Variants in GIPC1 observed in about 807,000 individuals in gnomAD.
GIPC1 encodes PDZ domain-containing protein GIPC1.
GIPC1 carries 15 observed loss-of-function variants against 28.5 expected under a neutral mutation model. The observed-to-expected ratio is 0.53, with a 90% CI of 0.35 to 0.81. The LOEUF is 0.81. Ranked by LOEUF, GIPC1 falls within the 30% of genes least tolerant of loss-of-function variation. GIPC1 has a pLI of 0.01. For missense variants in GIPC1, 439 were observed against 481.9 expected (o/e 0.91, Z 0.83); for synonymous variants, 224 against 206.1 (o/e 1.09, Z -0.74).
At chr19:14,485,700 TATAGAGAGAG>T (rs2071822248) in intron 3 of GIPC1, among the ~76,000 whole-genome samples, 1 of 68,836 alleles carries the variant, frequency 1.5e-5, no homozygotes, top group Non-Finnish European at 3.0e-5. Flanking sequence ...TATATATATA[TATAGAGAGAG>T]AGAGAGAGAG....
At chr19:14,494,370 G>A (rs746650010) in intron 1 of GIPC1, among the ~76,000 whole-genome samples, 9 of 100,180 alleles carry the variant, frequency 9.0e-5, no homozygotes, top group Non-Finnish European at 1.8e-4. Context: ...GGGATTACAG[G>A]CGTGAGCCAC....
chr19:14,486,320 T>C (rs2071842945), intron 3 of GIPC1, among the ~76,000 whole-genome samples: 1 of 152,208 alleles, frequency 6.6e-6, no homozygotes, highest in African/African-American at 2.4e-5. Flanking sequence ...ACTAACACTG[T>C]GTGCAAAAAA....
At chr19:14,485,698 TATATAGAGAGAGAGAGAGAGAGAGAG>T (rs1371619560) in intron 3 of GIPC1, among the ~76,000 whole-genome samples, 9 of 85,092 alleles carry the variant, frequency 1.1e-4, no homozygotes, top group Middle Eastern at 0.012. Context: ...TATATATATA[TATATAGAGAGAGAGAGAGAGAGAGAG>T]AGAGAGAGAG....
intron 4 of GIPC1, chr19:14,481,046 T>C (rs558191076): frequency 6.6e-5 from 28 of 425,204 alleles, no homozygotes; most frequent in Admixed American, 3.6e-4. Context: ...TCATAGTCAC[T>C]GCAGCCACAA....
rs777110259 is a variant in GIPC1, at chr19:14,478,635, G to C, written c.850+49C>G. ...GGACCAAGGGGCTCAGGGTGGATTC[G>C]GCCCCCAGCAGACCTAGATGCCCCC... On this transcript the variant is annotated intron_variant, in intron 8 of 8. Coordinates refer to ENST00000393033, the MANE Select transcript of GIPC1 (RefSeq NM_005716.4). The surrounding 1 kb of genome is among the most constrained non-coding windows in gnomAD (Gnocchi z 5.2). 1.9e-6 allele frequency: 3 copies of C among 1,610,690 alleles called. No homozygotes were observed. Among genetic ancestry groups the C allele is most frequent in the Admixed American group, 1.7e-5 (1 of 59,948 alleles).
chr19:14,492,773 G>A (rs2071999483), intron 2 of GIPC1, 84 bp downstream of exon 2: 1 of 152,224 alleles, frequency 6.6e-6, no homozygotes, highest in African/African-American at 2.4e-5. Context: ...ACAGCAGTGA[G>A]GAAAGTGAGT....
intron 1 of GIPC1, among the ~76,000 whole-genome samples, chr19:14,493,489 G>A (rs1403576328): frequency 2.0e-5 from 3 of 150,102 alleles, no homozygotes; most frequent in Non-Finnish European, 3.0e-5. Flanking sequence ...ATGGAGTCTT[G>A]CTCTGTCACC....
chr19:14,482,712 C>A lies in GIPC1; in HGVS notation c.265G>T (p.Ala89Ser). 1 of 1,611,500 alleles carries A rather than the reference C, an allele frequency of 6.2e-7. No homozygotes were observed. The highest frequency in any genetic ancestry group is 8.5e-7 in the Non-Finnish European group (1 of 1,179,908). The change falls in exon 4 of 9, where the codon GCC becomes TCC. Residue 89 changes from alanine (A) to serine (S), a missense_variant. By Grantham distance (99) the Ala-to-Ser change is moderately conservative. Transcript: ENST00000393033. ...VKELYGKIAE[A>S]FRLPTAEVMF... The stretch of plus-strand genomic sequence containing the variant: ...ACCTCGGCAGTTGGCAGGCGGAAGG[C>A]CTCGGCGATCTTGCCATACAGCTCC...
At chr19:14,495,780 G>A (rs1406146168) in intron 1 of GIPC1, among the ~76,000 whole-genome samples, 1 of 152,058 alleles carries the variant, frequency 6.6e-6, no homozygotes, top group East Asian at 1.9e-4. Flanking sequence ...GGGGACGGGG[G>A]GAGGGGCAAG....
rs969672142 is a variant in GIPC1, at chr19:14,478,163, C to T, written c.*253G>A. 2.8e-5 allele frequency: 13 copies of T among 459,486 alleles called. No homozygotes were observed. Among genetic ancestry groups the T allele is most frequent in the Admixed American group, 1.8e-4 (5 of 28,024 alleles). The allele number at this position is 459,486 out of a possible 1,614,324, so 28.5% of individuals were successfully genotyped here. On this transcript the variant is annotated 3_prime_UTR_variant, in exon 9 of 9. Coordinates refer to ENST00000393033, the MANE Select transcript of GIPC1 (RefSeq NM_005716.4). This position sits in a 1 kb window ranked among gnomAD's most constrained non-coding sequence, Gnocchi z 5.2. ...CCAATTTGGCTGATCCCTCCCCTCC[C>T]TGTGCCTGACCCAGCTGAGGTAGGT... is the stretch of plus-strand genomic sequence containing the variant.
chr19:14,495,111 C>A (rs145345872), intron 1 of GIPC1, among the ~76,000 whole-genome samples: 5 of 152,314 alleles, frequency 3.3e-5, no homozygotes, highest in African/African-American at 1.2e-4. Context: ...TACTTCCCAG[C>A]CTCGGCCCAG....
chr19:14,496,120 T>C lies in GIPC1; in HGVS notation c.-258A>G, dbSNP rs918087670. 5.0e-6 allele frequency: 1 copy of C among 198,212 alleles called. No individual in the cohort carries two copies. The highest frequency in any genetic ancestry group is 1.5e-4 in the South Asian group (1 of 6,578). The allele number at this position is 198,212 out of a possible 1,614,324, so 12.3% of individuals were successfully genotyped here. A position where few individuals can be genotyped will look rare whatever the true frequency, so the allele number is the denominator to read the frequency against. ...GCACCCGGCTCGGCCCTCCGCAAAC[T>C]CCAGACCGGGCCTCTCCCGCAGCGG... On this transcript the variant is annotated 5_prime_UTR_variant, in exon 1 of 9. Coordinates refer to ENST00000393033, the MANE Select transcript of GIPC1 (RefSeq NM_005716.4).
rs2071637898 is a variant in GIPC1, at chr19:14,478,101, G to T, written c.*315C>A. ...GGGAGACAGAGGGACCAGTTTGGCA[G>T]CTGATGGTGGAAAGTGGTGGAGGCG... On this transcript the variant is annotated 3_prime_UTR_variant, in exon 9 of 9. Transcript: ENST00000393033. This position sits in a 1 kb window ranked among gnomAD's most constrained non-coding sequence, Gnocchi z 5.2. 3.0e-6 allele frequency: 1 copy of T among 334,498 alleles called. No homozygotes were observed. The highest frequency in any genetic ancestry group is 2.1e-5 in the African/African-American group (1 of 48,302). The allele number at this position is 334,498 out of a possible 1,614,324, so 20.7% of individuals were successfully genotyped here. A position where few individuals can be genotyped will look rare whatever the true frequency, so the allele number is the denominator to read the frequency against.
chr19:14,483,131 T>C (rs1332218752), intron 3 of GIPC1, 125 bp from the exon 4 acceptor site: 2 of 642,506 alleles, frequency 3.1e-6, no homozygotes, highest in Non-Finnish European at 5.3e-6. Context: ...GAAATCCTCA[T>C]CTCTTGTATA....
intron 3 of GIPC1, among the ~76,000 whole-genome samples, chr19:14,489,844 A>G (rs1404783041): frequency 6.6e-6 from 1 of 151,350 alleles, no homozygotes; most frequent in African/African-American, 2.4e-5. Flanking sequence ...AAAGGGTTTT[A>G]TGTATTAAAG....
intron 3 of GIPC1, among the ~76,000 whole-genome samples, chr19:14,486,180 G>C (rs2071839707): frequency 6.6e-6 from 1 of 152,146 alleles, no homozygotes; most frequent in Admixed American, 6.5e-5. Context: ...TGCCCGGCCT[G>C]TGACCTTCCT....
At position 14,478,914 on chromosome 19, in the gene GIPC1, C is replaced by G. The variant is rs904183052; in HGVS notation, c.769-149G>C. On this transcript the variant is annotated intron_variant, in intron 7 of 8. Coordinates refer to ENST00000393033, the MANE Select transcript of GIPC1 (RefSeq NM_005716.4). The surrounding 1 kb of genome is among the most constrained non-coding windows in gnomAD (Gnocchi z 5.2). ...GGTGGTATCGGTGTTCAGCTCATCC[C>G]CATTTTACTGATGGGCAAACTGCGG... 4.3e-6 allele frequency: 3 copies of G among 700,780 alleles called. No homozygotes were observed. Among genetic ancestry groups the G allele is most frequent in the Non-Finnish European group, 7.7e-6 (3 of 391,436 alleles). 43.4% of individuals were successfully genotyped at this position (700,780 alleles called of 1,614,324 possible).
chr19:14,488,773 AAC>A (rs2071900234), intron 3 of GIPC1, among the ~76,000 whole-genome samples: 6 of 151,066 alleles, frequency 4.0e-5, no homozygotes, highest in Admixed American at 1.3e-4. Context: ...ACTCGGTCTA[AAC>A]AAAAAAAAAA....
At chr19:14,485,732 G>GAGAGAGAGAGAGAGAGAC (rs2071828144) in intron 3 of GIPC1, among the ~76,000 whole-genome samples, 1 of 145,154 alleles carries the variant, frequency 6.9e-6, no homozygotes, top group African/African-American at 2.6e-5. Flanking sequence ...GAGAGAGAGA[G>GAGAGAGAGAGAGAGAGAC]AGAGAGAGAC....
Sources: allele counts gnomAD v4.1 joint callset (sites outside exome capture counted in the v4.1 genomes callset), GRCh38; gene constraint gnomAD v4.1.1; non-coding constraint Gnocchi (gnomAD v3.1); transcripts MANE v1.5; gene names NCBI Gene and HGNC (gene_info 2026-07-23, HGNC 2026-07-21).